Variants in ITPR1 observed in about 807,000 individuals in gnomAD.
ITPR1 encodes the protein inositol 1,4,5-trisphosphate receptor type 1, also known as inositol 1,4,5-trisphosphate-gated calcium channel ITPR1.
In ITPR1, 96 loss-of-function variants were observed where a neutral mutation model predicts 318.4. The ratio of observed to expected loss-of-function variants is 0.30; its 90% CI spans 0.26 to 0.36. The LOEUF is 0.36. Among genes scored for constraint, ITPR1 ranks in the 10% least tolerant of loss-of-function variants. The pLI, the probability that ITPR1 is intolerant of heterozygous loss-of-function variation, is 1.00. For synonymous variants in ITPR1, 1,312 were observed against 1,289.9 expected, an observed-to-expected ratio of 1.02 and a Z score of -0.37; for missense variants, 2,440 against 3,460.2, an observed-to-expected ratio of 0.71 and a Z score of 7.40.
intron 2 of ITPR1, among the ~76,000 whole-genome samples, chr3:4,497,842 A>C (rs1171734735): frequency 6.7e-6 from 1 of 148,888 alleles, no homozygotes; most frequent in Admixed American, 6.7e-5. Context: ...AAAATGTGAA[A>C]TATACATACA....
At chr3:4,617,850 A>G (rs1338625866) in intron 4 of ITPR1, among the ~76,000 whole-genome samples, 1 of 151,398 alleles carries the variant, frequency 6.6e-6, no homozygotes, top group Non-Finnish European at 1.5e-5. Flanking sequence ...AAAGGCTTAC[A>G]GGCTTACACC....
At chr3:4,808,218 C>T (rs116625899) in intron 55 of ITPR1, among the ~76,000 whole-genome samples, 1 of 152,198 alleles carries the variant, frequency 6.6e-6, no homozygotes, top group Admixed American at 6.5e-5. Context: ...ACTCTCACTA[C>T]CACCTTTGAG....
At chr3:4,498,204 A>G (rs191318809) in intron 2 of ITPR1, among the ~76,000 whole-genome samples, 1 of 152,206 alleles carries the variant, frequency 6.6e-6, no homozygotes. Flanking sequence ...TGTTATGTAT[A>G]TTTTACAGTA....
At chr3:4,697,315 G>GGTGCGT (rs2094574150) in intron 34 of ITPR1, 43 bp downstream of exon 34, 1 of 816,682 alleles carries the variant, frequency 1.2e-6, no homozygotes, top group Admixed American at 2.8e-5. Context: ...GAGAGTGAGA[G>GGTGCGT]GTGTGTGTGT....
At chr3:4,730,394 TGTGTGTGTGTGTGTGTGTGTGTGTG>T (rs1575045419) in intron 42 of ITPR1, among the ~76,000 whole-genome samples, 4 of 144,444 alleles carry the variant, frequency 2.8e-5, no homozygotes, top group Admixed American at 1.4e-4. Flanking sequence ...TGTGTGTGTG[TGTGTGTGTGTGTGTGTGTGTGTGTG>T]TTTCCCCCAG....
intron 14 of ITPR1, among the ~76,000 whole-genome samples, 158 bp downstream of exon 14, chr3:4,661,245 C>T (rs376786914): frequency 1.2e-4 from 19 of 152,166 alleles, no homozygotes; most frequent in East Asian, 7.7e-4. Flanking sequence ...ATACTCTCCA[C>T]GAGACCTGAG....
intron 4 of ITPR1, among the ~76,000 whole-genome samples, chr3:4,621,697 C>A (rs573127575): frequency 3.3e-5 from 5 of 152,220 alleles, no homozygotes; most frequent in Non-Finnish European, 7.3e-5. Flanking sequence ...CCCTCTCAAG[C>A]CTTATCTTCT....
Position 4,806,090 on chromosome 3 carries a change from T to A in ITPR1, c.7108-13T>A. 1 of 1,610,132 alleles carries A rather than the reference T, an allele frequency of 6.2e-7. No homozygotes were observed. Among genetic ancestry groups the A allele is most frequent in the South Asian group, 1.1e-5 (1 of 90,590 alleles). On this transcript the variant is annotated splice_polypyrimidine_tract_variant and intron_variant, in intron 54 of 61. Transcript: ENST00000649015. ...AGTCCGTGCCATCTGACTGTTCCTG[T>A]CATTGTTCTCAGGTATGCAATAAAA... is the stretch of plus-strand genomic sequence containing the variant.
At chr3:4,617,482 A>C (rs1357047529) in intron 4 of ITPR1, among the ~76,000 whole-genome samples, 3 of 152,158 alleles carry the variant, frequency 2.0e-5, no homozygotes, top group African/African-American at 7.2e-5. Context: ...TCTTGTGTTG[A>C]GGCATTAAGC....
chr3:4,681,777 C>CA (rs2094306968), intron 26 of ITPR1, among the ~76,000 whole-genome samples: 1 of 152,020 alleles, frequency 6.6e-6, no homozygotes, highest in African/African-American at 2.4e-5. Flanking sequence ...GGGCTCAAAA[C>CA]AGAGTGAAGT....
chr3:4,696,424 G>C (rs2094558679), intron 33 of ITPR1, among the ~76,000 whole-genome samples: 1 of 152,186 alleles, frequency 6.6e-6, no homozygotes. Flanking sequence ...CACACAAGTT[G>C]TAGCATGTAT....
At chr3:4,498,543 G>C (rs1410967940) in intron 2 of ITPR1, among the ~76,000 whole-genome samples, 1 of 152,158 alleles carries the variant, frequency 6.6e-6, no homozygotes, top group Non-Finnish European at 1.5e-5. Context: ...AACTCTCACG[G>C]AATTCTCAGT....
intron 40 of ITPR1, among the ~76,000 whole-genome samples, chr3:4,723,739 C>T (rs1435844098): frequency 2.0e-5 from 3 of 151,628 alleles, no homozygotes; most frequent in Non-Finnish European, 2.9e-5. Flanking sequence ...TCCGTGCATT[C>T]CTATGGTGAA....
chr3:4,497,781 A>G (rs1214876197), intron 2 of ITPR1, among the ~76,000 whole-genome samples: 1 of 152,158 alleles, frequency 6.6e-6, no homozygotes, highest in African/African-American at 2.4e-5. Context: ...AAGCATTATC[A>G]CAGTAGCCAA....
chr3:4,814,874 T>G (rs924295598), intron 58 of ITPR1, 179 bp from the exon 59 acceptor site: 6 of 631,762 alleles, frequency 9.5e-6, no homozygotes, highest in Non-Finnish European at 1.4e-5. Context: ...ACACCACACT[T>G]GGAGAAGTCG....
chr3:4,816,261 C>A (rs557792932), intron 59 of ITPR1: 2 of 152,210 alleles, frequency 1.3e-5, no homozygotes, highest in Admixed American at 6.5e-5. Context: ...CGTGAGCCTC[C>A]GCTGACACTG....
At chr3:4,813,355 G>C (rs2049066470) in intron 57 of ITPR1, 121 bp downstream of exon 57, 1 of 638,468 alleles carries the variant, frequency 1.6e-6, no homozygotes, top group Non-Finnish European at 2.7e-6. Context: ...TAGCAAAGGG[G>C]AAAGGCTGAG....
chr3:4,766,437 C>G (rs2045825054), intron 44 of ITPR1, 93 bp from the exon 45 acceptor site: 1 of 1,035,408 alleles, frequency 9.7e-7, no homozygotes, highest in South Asian at 1.5e-5. Flanking sequence ...GGTTTTGCAA[C>G]TGGCTCTGAT....
chr3:4,750,351 A>G (rs781129774), intron 44 of ITPR1: 6 of 152,184 alleles, frequency 3.9e-5, no homozygotes, highest in Non-Finnish European at 7.3e-5. Flanking sequence ...TTAAACTTCA[A>G]GATGATTCCT....
Sources: allele counts gnomAD v4.1 joint callset (sites outside exome capture counted in the v4.1 genomes callset), GRCh38; gene constraint gnomAD v4.1.1; transcripts MANE v1.5; gene names NCBI Gene and HGNC (gene_info 2026-07-23, HGNC 2026-07-21).